The following GPC6 variants were observed in gnomAD, a reference collection of about 807,000 sequenced individuals.
GPC6 encodes the protein glypican 6.
Under a neutral mutation model 55.2 loss-of-function variants are expected in GPC6, and 14 were observed. The ratio of observed to expected loss-of-function variants is 0.25; its 90% CI spans 0.17 to 0.40. The LOEUF is 0.40. GPC6 is among the 10% of genes least tolerant of loss of function. The pLI is 1.00. For missense variants in GPC6, 641 were observed against 708.5 expected (o/e 0.90, Z 1.08); for synonymous variants, 278 against 259.6 (o/e 1.07, Z -0.68).
intron 3 of GPC6, among the ~76,000 whole-genome samples, chr13:93,895,222 A>ATGTGTGTGTGTCCATATATATG (rs1875926104): frequency 3.7e-5 from 2 of 53,598 alleles, no homozygotes; most frequent in African/African-American, 1.6e-4. Flanking sequence ...GTGTGTATGT[A>ATGTGTGTGTGTCCATATATATG]TGTGTGTGTG....
intron 4 of GPC6, among the ~76,000 whole-genome samples, chr13:94,133,091 A>G (rs1290468464): frequency 1.3e-5 from 2 of 152,108 alleles, no homozygotes; most frequent in Non-Finnish European, 2.9e-5. Context: ...TGGGAAGAAG[A>G]GCAGTCTTTT....
intron 6 of GPC6, among the ~76,000 whole-genome samples, chr13:94,363,194 T>C (rs1459003363): frequency 6.6e-6 from 1 of 152,178 alleles, no homozygotes; most frequent in Non-Finnish European, 1.5e-5. Context: ...TGTGAGAAAT[T>C]CATCAAACTG....
chr13:94,332,264 C>T (rs758968059), intron 6 of GPC6, among the ~76,000 whole-genome samples: 75 of 152,274 alleles, frequency 4.9e-4, no homozygotes, highest in Non-Finnish European at 9.1e-4. Context: ...GGGGCTTTAA[C>T]AAGGCCCATG....
rs1304707330 is a variant in GPC6, at chr13:93,792,528, C to T, written c.320-37626C>T. On this transcript the variant is annotated intron_variant, in intron 2 of 8. Transcript: ENST00000377047. The stretch of plus-strand genomic sequence containing the variant: ...TTTTCACCACTTTGGCCAGGCTGGT[C>T]TTGAACTCCTGGCCTCAAGTGATCC... 2.6e-5 allele frequency among the ~76,000 whole-genome samples: 4 copies of T among 152,080 alleles called. No individual in the cohort carries two copies. The East Asian group carries it at 7.8e-4, about 29-fold the overall frequency.
chr13:93,283,969 C>A (rs1421006928), intron 1 of GPC6, among the ~76,000 whole-genome samples: 1 of 152,152 alleles, frequency 6.6e-6, no homozygotes, highest in Non-Finnish European at 1.5e-5. Context: ...AGTGGATAAT[C>A]TAAGATGTGG....
chr13:94,010,603 T>TA (rs1279491246), intron 3 of GPC6, among the ~76,000 whole-genome samples: 1 of 152,188 alleles, frequency 6.6e-6, no homozygotes, highest in Non-Finnish European at 1.5e-5. Flanking sequence ...TTGATTTTGT[T>TA]ACTAGATTTC....
intron 3 of GPC6, among the ~76,000 whole-genome samples, chr13:93,995,165 TTTA>T (rs1332642841): frequency 2.2e-4 from 2 of 9,106 alleles, no homozygotes; most frequent in Admixed American, 1.2e-3. Context: ...CTTCAACTAT[TTTA>T]TTTTATTTTA....
chr13:93,236,965 T>A (rs1876256187), intron 1 of GPC6, among the ~76,000 whole-genome samples: 1 of 152,238 alleles, frequency 6.6e-6, no homozygotes, highest in African/African-American at 2.4e-5. Context: ...TATCCACTTA[T>A]TGTTTCATGG....
chr13:94,307,850 G>A (rs909166127), intron 6 of GPC6, among the ~76,000 whole-genome samples: 2 of 151,944 alleles, frequency 1.3e-5, no homozygotes, highest in Non-Finnish European at 2.9e-5. Flanking sequence ...CATTTTTGCT[G>A]GCTCTAACTT....
At chr13:94,373,533 G>T (rs1297197313) in intron 6 of GPC6, among the ~76,000 whole-genome samples, 1 of 152,166 alleles carries the variant, frequency 6.6e-6, no homozygotes, top group Admixed American at 6.5e-5. Context: ...AAAAAGAAAT[G>T]ATCAAAGCCT....
chr13:93,712,907 C>G (rs1883121514), intron 2 of GPC6, among the ~76,000 whole-genome samples: 1 of 151,114 alleles, frequency 6.6e-6, no homozygotes. Context: ...TTAAAAATTG[C>G]TAATGTATTA....
In GPC6 at chr13:93,618,118, T is replaced by C. The variant is rs1446500138; in HGVS notation, c.319+72697T>C. On this transcript the variant is annotated intron_variant, in intron 2 of 8. Transcript: ENST00000377047. Reference sequence around the variant, plus strand: ...CTCCATGTATTAGAAAGCTGGCTAATGTTTGTAAATTACCTAATTTGATTG... The same window carrying C: ...CTCCATGTATTAGAAAGCTGGCTAACGTTTGTAAATTACCTAATTTGATTG... 4.6e-5 allele frequency among the ~76,000 whole-genome samples: 7 copies of C among 152,230 alleles called. No homozygotes were observed. In the South Asian group the frequency reaches 1.5e-3, roughly 32 times the overall value.
At chr13:94,065,421 G>T (rs2138774479) in intron 4 of GPC6, among the ~76,000 whole-genome samples, 1 of 152,302 alleles carries the variant, frequency 6.6e-6, no homozygotes. Context: ...TGATGGCTCA[G>T]TGGGAGGTCT....
intron 1 of GPC6, among the ~76,000 whole-genome samples, chr13:93,235,918 T>C (rs1403964558): frequency 6.6e-6 from 1 of 152,168 alleles, no homozygotes; most frequent in Non-Finnish European, 1.5e-5. Flanking sequence ...GTCTTTTGGC[T>C]CTCAGATCCT....
At chr13:94,154,390 G>A (rs889525861) in intron 4 of GPC6, 1 of 152,092 alleles carries the variant, frequency 6.6e-6, no homozygotes, top group African/African-American at 2.4e-5. Flanking sequence ...ATGGCAAAAG[G>A]TTTATATCTT....
chr13:93,448,626 T>C (rs1878100483), intron 1 of GPC6, among the ~76,000 whole-genome samples: 1 of 152,222 alleles, frequency 6.6e-6, no homozygotes, highest in Non-Finnish European at 1.5e-5. Flanking sequence ...GAGACTTGCC[T>C]CTGTAAATAT....
rs1037251404 is a variant in GPC6 at position 93,846,231 on chromosome 13, T to A, written c.711+15686T>A. The stretch of plus-strand genomic sequence containing the variant: ...ACCATTATGAAAATTCTCTTCCTGT[T>A]CAATGTAATGCAAGCTAACAAATGA... On this transcript the variant is annotated intron_variant, in intron 3 of 8. Transcript: ENST00000377047. Among the ~76,000 whole-genome samples, 5 of 152,270 alleles carry A rather than the reference T, an allele frequency of 3.3e-5. No individual in the cohort carries two copies. In the East Asian group the frequency reaches 9.7e-4, roughly 29 times the overall value.
chr13:93,275,129 C>G (rs1877684289), intron 1 of GPC6, among the ~76,000 whole-genome samples: 1 of 152,192 alleles, frequency 6.6e-6, no homozygotes, highest in Non-Finnish European at 1.5e-5. Flanking sequence ...ATAGACTAAC[C>G]TGTCTGCCAG....
At position 93,258,756 on chromosome 13, in the gene GPC6, T is replaced by C. The variant is rs147048944; in HGVS notation, c.160+31140T>C. ...GAGTTCAACACCAGCTTAAGCAACA[T>C]AGTGAGGCCCCATCTCTACAGAAAA... On this transcript the variant is annotated intron_variant, in intron 1 of 8. Transcript: ENST00000377047. Among the ~76,000 whole-genome samples, 968 of 151,874 alleles carry C rather than the reference T, an allele frequency of 6.4e-3. 7 individuals carry two copies. Among genetic ancestry groups the C allele is most frequent in the African/African-American group, 0.021 (858 of 41,424 alleles).
Sources: allele counts gnomAD v4.1 joint callset (sites outside exome capture counted in the v4.1 genomes callset), GRCh38; gene constraint gnomAD v4.1.1; transcripts MANE v1.5; gene names NCBI Gene and HGNC (gene_info 2026-07-23, HGNC 2026-07-21).